RPS6: variants seen among roughly 807,000 people sequenced by gnomAD.
RPS6 encodes the protein small ribosomal subunit protein eS6.
In RPS6, 1 loss-of-function variant was observed where a neutral mutation model predicts 27.1. That is an observed-to-expected ratio of 0.04 (90% confidence interval 0.01 to 0.18). The LOEUF (loss-of-function observed/expected upper bound fraction) is 0.18. RPS6 is among the 10% of genes least tolerant of loss of function. The pLI, the probability that RPS6 is intolerant of heterozygous loss-of-function variation, is 1.00. For missense variants in RPS6, 259 were observed against 319.1 expected (o/e 0.81, Z 1.44); for synonymous variants, 152 against 106.0 (o/e 1.43, Z -2.66).
In RPS6 at chr9:19,379,249, G is replaced by A. The variant is rs541976826; in HGVS notation, c.138+238C>T. ...TATGAGGACAGCTATGTGACATATTGCCAAATGCATGATGCAGGGCAAGAA... is the reference window on the plus strand; with the variant it reads ...TATGAGGACAGCTATGTGACATATTACCAAATGCATGATGCAGGGCAAGAA... On this transcript the variant is annotated intron_variant, in intron 2 of 5. Coordinates refer to ENST00000380394, the MANE Select transcript of RPS6 (RefSeq NM_001010.3). 10 of 1,408,614 alleles carry A rather than the reference G, an allele frequency of 7.1e-6. No individual in the cohort carries two copies. In the East Asian group the frequency reaches 2.2e-4, roughly 32 times the overall value. 87.3% of individuals were successfully genotyped at this position (1,408,614 alleles called of 1,614,324 possible). A position where few individuals can be genotyped will look rare whatever the true frequency, so the allele number is the denominator to read the frequency against.
At chr9:19,380,031 CA>C in intron 1 of RPS6, 158 bp downstream of exon 1, 5 of 1,544,240 alleles carry the variant, frequency 3.2e-6, no homozygotes, top group Non-Finnish European at 1.7e-6. Flanking sequence ...TCCGTTCGGC[CA>C]AAAAGCTCCA....
intron 4 of RPS6, 93 bp from the exon 5 acceptor site, chr9:19,376,744 G>C (rs781735228): frequency 1.5e-6 from 2 of 1,296,586 alleles, no homozygotes; most frequent in Non-Finnish European, 2.1e-6. Context: ...AAGCTTAACA[G>C]CATCTATGAA....
In RPS6 at chr9:19,376,474, T is replaced by A. The variant is rs1348337790; in HGVS notation, c.654+20A>T. 1 of 1,612,494 alleles carries A rather than the reference T, an allele frequency of 6.2e-7. No homozygotes were observed. Among genetic ancestry groups the A allele is most frequent in the African/African-American group, 1.3e-5 (1 of 74,788 alleles). On this transcript the variant is annotated intron_variant, in intron 5 of 5. Transcript: ENST00000380394. ...GCCAGGTCGAACTCCTCCCACCCCC[T>A]CAAATCATCTTAGACTAACCTTCAT...
intron 4 of RPS6, among the ~76,000 whole-genome samples, chr9:19,377,688 T>C (rs1207033607): frequency 6.6e-6 from 1 of 152,220 alleles, no homozygotes; most frequent in Non-Finnish European, 1.5e-5. Flanking sequence ...CTGGTGAGTA[T>C]GTTGTCTACT....
rs897910858 is a variant in RPS6, at chr9:19,380,222, C to T, written c.-27G>A. 1 of 1,613,016 alleles carries T rather than the reference C, an allele frequency of 6.2e-7. No homozygotes were observed. The highest frequency in any genetic ancestry group is 1.7e-5 in the Admixed American group (1 of 60,006). On this transcript the variant is annotated 5_prime_UTR_variant, in exon 1 of 6. Coordinates refer to ENST00000380394, the MANE Select transcript of RPS6 (RefSeq NM_001010.3). ...TTGAAGCAGCTGAACGCCTCCGAGGCGCCACGGAAAAGAGGGCCAACTTCC... is the reference window on the plus strand; with the variant it reads ...TTGAAGCAGCTGAACGCCTCCGAGGTGCCACGGAAAAGAGGGCCAACTTCC...
chr9:19,378,958 A>T (rs776659094), intron 2 of RPS6, 40 bp from the exon 3 acceptor site: 46 of 1,583,868 alleles, frequency 2.9e-5, no homozygotes, highest in Non-Finnish European at 3.8e-5. Flanking sequence ...TACTATTTCT[A>T]TTCCAAAATT....
chr9:19,379,768 C>G (rs1041436552), intron 1 of RPS6, 150 bp from the exon 2 acceptor site: 1 of 1,473,920 alleles, frequency 6.8e-7, no homozygotes, highest in Admixed American at 2.5e-5. Context: ...TCACTAAAAG[C>G]ACGTGAAAGC....
In RPS6 at chr9:19,380,221, G is replaced by T. The variant is rs144218100; in HGVS notation, c.-26C>A. The T allele has an allele frequency of 5.3e-5, 86 of 1,613,188 alleles. 1 individual carries two copies. In the African/African-American group the frequency reaches 9.6e-4, roughly 18 times the overall value. Reference sequence around the variant, plus strand: ...CTTGAAGCAGCTGAACGCCTCCGAGGCGCCACGGAAAAGAGGGCCAACTTC... The same window carrying T: ...CTTGAAGCAGCTGAACGCCTCCGAGTCGCCACGGAAAAGAGGGCCAACTTC... On this transcript the variant is annotated 5_prime_UTR_variant, in exon 1 of 6. Coordinates refer to ENST00000380394, the MANE Select transcript of RPS6 (RefSeq NM_001010.3).
intron 1 of RPS6, chr9:19,379,921 G>A (rs958612648): frequency 3.8e-5 from 54 of 1,430,090 alleles, no homozygotes; most frequent in Non-Finnish European, 4.8e-5. Flanking sequence ...CCACAGGCCT[G>A]CCGCAAACTG....
At chr9:19,379,894 C>G in intron 1 of RPS6, 1 of 1,423,604 alleles carries the variant, frequency 7.0e-7, no homozygotes, top group Non-Finnish European at 9.1e-7. Flanking sequence ...GCAAGAAAGC[C>G]GGGGTCAAGA....
rs1207185187 is a variant in RPS6 at position 19,375,975 on chromosome 9, A to G, written c.*318T>C. On this transcript the variant is annotated 3_prime_UTR_variant, in exon 6 of 6. Coordinates refer to ENST00000380394, the MANE Select transcript of RPS6 (RefSeq NM_001010.3). ...GTGCTTTAAAGAGCTATATTCCTCA[A>G]AAATAAACTATATAAAAAAGATTAA... is the stretch of plus-strand genomic sequence containing the variant. 3 of 196,110 alleles carry G rather than the reference A, an allele frequency of 1.5e-5. No homozygotes were observed. Among genetic ancestry groups the G allele is most frequent in the African/African-American group, 7.0e-5 (3 of 43,006 alleles). 12.1% of individuals were successfully genotyped at this position (196,110 alleles called of 1,614,324 possible). A position where few individuals can be genotyped will look rare whatever the true frequency, so the allele number is the denominator to read the frequency against.
intron 2 of RPS6, 28 bp from the exon 3 acceptor site, chr9:19,378,946 TTTACTA>T (rs1589013682): frequency 3.7e-6 from 6 of 1,602,944 alleles, no homozygotes. Context: ...GAATGACACA[TTTACTA>T]TTTCTATTCC....
chr9:19,379,188 CAAAT>C, intron 2 of RPS6: 1 of 971,404 alleles, frequency 1.0e-6, no homozygotes, highest in Non-Finnish European at 1.5e-6. Context: ...CAGCAACAAA[CAAAT>C]CAGATACAAC....
chr9:19,376,399 C>A lies in RPS6; in HGVS notation c.655-11G>T, dbSNP rs1326133076. 3 of 1,613,792 alleles carry A rather than the reference C, an allele frequency of 1.9e-6. No individual in the cohort carries two copies. Among genetic ancestry groups the A allele is most frequent in the Non-Finnish European group, 2.5e-6 (3 of 1,179,884 alleles). On this transcript the variant is annotated splice_polypyrimidine_tract_variant and intron_variant, in intron 5 of 5. Coordinates refer to ENST00000380394, the MANE Select transcript of RPS6 (RefSeq NM_001010.3). ...CTTCTCCTTAGCCTCCTAAACAAAA[C>A]AAAACAGCAAACAGTTAAGGCCTTT...
rs373625038 is a variant in RPS6 at position 19,380,118 on chromosome 9, G to A, written c.6+72C>T. 2.2e-5 allele frequency: 35 copies of A among 1,614,004 alleles called. No individual in the cohort carries two copies. In the African/African-American group the frequency reaches 4.4e-4, roughly 20 times the overall value. On this transcript the variant is annotated intron_variant, in intron 1 of 5. Coordinates refer to ENST00000380394, the MANE Select transcript of RPS6 (RefSeq NM_001010.3). ...GCCAGGATCCTGGAGTGCTGGAACTGAGGCAATGCCGCGTTCTGGGACTCG... is the reference window on the plus strand; with the variant it reads ...GCCAGGATCCTGGAGTGCTGGAACTAAGGCAATGCCGCGTTCTGGGACTCG...
chr9:19,378,483 A>T lies in RPS6; in HGVS notation c.381T>A (p.Thr127=), dbSNP rs766700561. Reference sequence around the variant, plus strand: ...TGGGGCCCAGGCGGCGAGGCACTGTAGTATCAGTCAGTCCAGGAATATCCT... The same window carrying T: ...TGGGGCCCAGGCGGCGAGGCACTGTTGTATCAGTCAGTCCAGGAATATCCT... The part of the protein sequence containing the change: ...GEKDIPGLTD[T]TVPRRLGPKR... Residue 127 remains threonine (T), a synonymous_variant, in exon 4 of 6, where the codon ACT becomes ACA. Coordinates refer to ENST00000380394, the MANE Select transcript of RPS6 (RefSeq NM_001010.3). The T allele has an allele frequency of 1.3e-5, 21 of 1,614,096 alleles. No individual in the cohort carries two copies. Among genetic ancestry groups the T allele is most frequent in the Non-Finnish European group, 1.6e-5 (19 of 1,180,052 alleles).
At position 19,378,830 on chromosome 9, in the gene RPS6, A is replaced by T. The variant is rs1829631089; in HGVS notation, c.227T>A (p.Leu76Gln). ...GVLTHGRVRLLLSKGHSCYRP... is the reference protein window; with the variant it reads ...GVLTHGRVRLQLSKGHSCYRP... The stretch of plus-strand genomic sequence containing the variant: ...GTAACAGGAATGCCCCTTACTCAGT[A>T]GCAGGCGGACACGGCCATGGGTCAA... Residue 76 changes from leucine to glutamine, a missense_variant, in exon 3 of 6, where the codon CTA (leucine) becomes CAA (glutamine). Leu to Gln is a moderately radical substitution (Grantham distance 113, BLOSUM62 -2). Transcript: ENST00000380394. The T allele has an allele frequency of 6.2e-7, 1 of 1,614,206 alleles. No homozygotes were observed.
rs569066805 is a variant in RPS6, at chr9:19,375,763, G to C, written c.*530C>G. The C allele has an allele frequency of 6.6e-6, 1 of 152,346 alleles. No homozygotes were observed. 9.4% of individuals were successfully genotyped at this position (152,346 alleles called of 1,614,324 possible). On this transcript the variant is annotated 3_prime_UTR_variant, in exon 6 of 6. Coordinates refer to ENST00000380394, the MANE Select transcript of RPS6 (RefSeq NM_001010.3). ...TTTAGTCATTTCCTTTTCAGTGTGT[G>C]AACAGCCTAACAATTCACTGGAGTT...
intron 2 of RPS6, 117 bp downstream of exon 2, chr9:19,379,370 C>A (rs1428739630): frequency 1.1e-5 from 17 of 1,554,922 alleles, no homozygotes; most frequent in Non-Finnish European, 3.5e-6. Context: ...CATTCGGAAG[C>A]AACTTACCAA....
Sources: gnomAD v4.1 joint callset for allele counts (sites outside exome capture counted in the v4.1 genomes callset) on GRCh38, gnomAD v4.1.1 for gene constraint, MANE v1.5 for transcripts, NCBI Gene and HGNC (gene_info 2026-07-23, HGNC 2026-07-21) for gene names.